Variants in TDRD7 observed in about 807,000 individuals in gnomAD.
TDRD7 encodes tudor domain-containing protein 7.
TDRD7 carries 47 observed loss-of-function variants against 109.8 expected under a neutral mutation model. That is an observed-to-expected ratio of 0.43 (90% CI 0.34 to 0.55). TDRD7 has a LOEUF of 0.55. Ranked by LOEUF, TDRD7 falls within the 20% of genes least tolerant of loss-of-function variation. The pLI is 0.03. For missense variants in TDRD7, 1,164 were observed against 1,319.2 expected (o/e 0.88, Z 1.82); for synonymous variants, 424 against 457.3 (o/e 0.93, Z 0.93).
At chr9:97,491,186 G>T (rs764290207) in intron 16 of TDRD7, among the ~76,000 whole-genome samples, 12 of 152,012 alleles carry the variant, frequency 7.9e-5, no homozygotes, top group Non-Finnish European at 1.6e-4. Flanking sequence ...TCCCACCTTG[G>T]CCTCCAAAGT....
chr9:97,483,451 T>C (rs781440692), intron 15 of TDRD7, 100 bp downstream of exon 15: 64 of 1,374,384 alleles, frequency 4.7e-5, no homozygotes, highest in Non-Finnish European at 5.8e-5. Context: ...ACTGTACTAA[T>C]GGGAATTTTG....
chr9:97,457,276 T>C (rs1027415772), intron 6 of TDRD7, among the ~76,000 whole-genome samples: 2 of 152,058 alleles, frequency 1.3e-5, no homozygotes, highest in Non-Finnish European at 2.9e-5. Context: ...TCCTCAAGGA[T>C]CTAGAATCAG....
chr9:97,476,039 G>T (rs2131168969), intron 12 of TDRD7, among the ~76,000 whole-genome samples: 1 of 152,158 alleles, frequency 6.6e-6, no homozygotes, highest in Non-Finnish European at 1.5e-5. Context: ...CTAATTTTTT[G>T]AACCTTCCTG....
In TDRD7 at chr9:97,464,844, A is replaced by T. The variant is rs886063213; in HGVS notation, c.1445A>T (p.Tyr482Phe). ...LSNTNEVVIRYVGKDYSAAQE... is the reference protein window; with the variant it reads ...LSNTNEVVIRFVGKDYSAAQE... ...TTCTCTTCTTTTAACTGATTCAGGT[A>T]TGTGGGCAAAGACTATTCTGCTGCT... The change falls in exon 8 of 17, where the codon TAT (tyrosine) becomes TTT (phenylalanine). Residue 482 changes from tyrosine to phenylalanine, a missense_variant and splice_region_variant. Physicochemically the swap from Tyr to Phe is conservative, Grantham distance 22 (BLOSUM62 3). This residue lies in a region of TDRD7 where 261 missense variants were observed against 336.2 expected (regional missense o/e 0.78). Coordinates refer to ENST00000355295, the MANE Select transcript of TDRD7 (RefSeq NM_014290.3). 1 of 1,614,048 alleles carries T rather than the reference A, an allele frequency of 6.2e-7. No individual in the cohort carries two copies. Among genetic ancestry groups the T allele is most frequent in the Non-Finnish European group, 8.5e-7 (1 of 1,180,008 alleles).
chr9:97,458,829 T>C (rs569538100), intron 6 of TDRD7, among the ~76,000 whole-genome samples: 4 of 152,336 alleles, frequency 2.6e-5, no homozygotes, highest in South Asian at 4.1e-4. Context: ...GTCAAAACTC[T>C]TCTCTGATAA....
In TDRD7 at chr9:97,482,940, A is replaced by G. The variant is rs1247701879; in HGVS notation, c.2504A>G (p.Gln835Arg). The G allele has an allele frequency of 6.2e-7, 1 of 1,614,086 alleles. No homozygotes were observed. The highest frequency in any genetic ancestry group is 1.3e-5 in the African/African-American group (1 of 74,936). ...GACCCTCATCGCAGTATTAATCGCC[A>G]GATTACAAATGCAGACTTGTGGAAG... is the stretch of plus-strand genomic sequence containing the variant. ...FPDPHRSINR[Q>R]ITNADLWKHQ... The change falls in exon 15 of 17, where the codon CAG becomes CGG. Residue 835 changes from glutamine to arginine, a missense_variant. Physicochemically the swap from Gln to Arg is conservative, Grantham distance 43. This residue lies in a region of TDRD7 where 233 missense variants were observed against 218.0 expected (regional missense o/e 1.07). Coordinates refer to ENST00000355295, the MANE Select transcript of TDRD7 (RefSeq NM_014290.3).
At chr9:97,423,536 G>T (rs1277427019) in intron 1 of TDRD7, among the ~76,000 whole-genome samples, 2 of 151,228 alleles carry the variant, frequency 1.3e-5, no homozygotes, top group African/African-American at 4.9e-5. Context: ...ATTGATTTCT[G>T]CTCTCACCTT....
intron 7 of TDRD7, among the ~76,000 whole-genome samples, chr9:97,463,810 G>C (rs147324484): frequency 6.6e-4 from 100 of 152,242 alleles, no homozygotes; most frequent in African/African-American, 2.3e-3. Flanking sequence ...GAAAAGTGTA[G>C]AAAGGAATAA....
chr9:97,446,398 G>A (rs1460431420), intron 6 of TDRD7, among the ~76,000 whole-genome samples: 1 of 152,108 alleles, frequency 6.6e-6, no homozygotes, highest in Non-Finnish European at 1.5e-5. Flanking sequence ...TGGGCTGGAG[G>A]CACACCAAGC....
intron 16 of TDRD7, 109 bp downstream of exon 16, chr9:97,487,441 G>A: frequency 1.3e-6 from 2 of 1,504,160 alleles, no homozygotes; most frequent in East Asian, 2.3e-5. Context: ...AGGTATGTTG[G>A]GTTTTTGTTT....
At chr9:97,477,044 T>C (rs774319893) in intron 12 of TDRD7, among the ~76,000 whole-genome samples, 4 of 152,230 alleles carry the variant, frequency 2.6e-5, no homozygotes, top group Non-Finnish European at 4.4e-5. Flanking sequence ...GAAAAGGTCA[T>C]GGCATTCTTC....
intron 9 of TDRD7, among the ~76,000 whole-genome samples, chr9:97,471,929 A>G (rs1226886716): frequency 6.6e-6 from 1 of 152,208 alleles, no homozygotes; most frequent in Non-Finnish European, 1.5e-5. Context: ...GTGCATTACA[A>G]ACATATGACT....
intron 16 of TDRD7, among the ~76,000 whole-genome samples, chr9:97,490,055 C>T (rs1485064259): frequency 6.6e-6 from 1 of 152,126 alleles, no homozygotes; most frequent in African/African-American, 2.4e-5. Context: ...CACACGCATA[C>T]AGAATCAAAT....
chr9:97,431,161 A>G, intron 3 of TDRD7, 87 bp downstream of exon 3: 2 of 1,563,050 alleles, frequency 1.3e-6, no homozygotes, highest in Non-Finnish European at 1.8e-6. Flanking sequence ...TTGTATTATG[A>G]TAAATACTTG....
In TDRD7 at chr9:97,463,594, C is replaced by G. The variant is rs1828768159; in HGVS notation, c.1443-1248C>G. 4.6e-5 allele frequency among the ~76,000 whole-genome samples: 7 copies of G among 152,244 alleles called. No homozygotes were observed. In the South Asian group the frequency reaches 1.5e-3, roughly 32 times the overall value. ...TCTCCTGGGCCAAGTGATGCTGGTG[C>G]TGTTAGAGTATAGCCTTCCAGCTAA... On this transcript the variant is annotated intron_variant, in intron 7 of 16. Transcript: ENST00000355295.
At chr9:97,495,546 C>T (rs1183492826) in intron 16 of TDRD7, 117 bp from the exon 17 acceptor site, 1 of 1,004,310 alleles carries the variant, frequency 1.0e-6, no homozygotes, top group East Asian at 2.4e-5. Context: ...TCAGGCAAGT[C>T]TAACCTGGGA....
At chr9:97,437,527 C>G (rs1828225419) in intron 4 of TDRD7, among the ~76,000 whole-genome samples, 1 of 152,162 alleles carries the variant, frequency 6.6e-6, no homozygotes, top group South Asian at 2.1e-4. Flanking sequence ...TTGAAGTCTT[C>G]TATTGATTAG....
chr9:97,430,348 A>G (rs1384328059), intron 2 of TDRD7, among the ~76,000 whole-genome samples: 3 of 152,278 alleles, frequency 2.0e-5, no homozygotes, highest in Admixed American at 6.5e-5. Flanking sequence ...TATGGCTCCC[A>G]TGAACACAGT....
At chr9:97,417,384 G>C (rs1034928951) in intron 1 of TDRD7, among the ~76,000 whole-genome samples, 3 of 152,158 alleles carry the variant, frequency 2.0e-5, no homozygotes, top group Admixed American at 6.5e-5. Flanking sequence ...GATCACTCAG[G>C]CTGATATGTG....
Sources: gnomAD v4.1 joint callset for allele counts (sites outside exome capture counted in the v4.1 genomes callset) on GRCh38, gnomAD v4.1.1 for gene constraint, gnomAD v4.1.1 regional missense constraint, MANE v1.5 for transcripts, NCBI Gene and HGNC (gene_info 2026-07-23, HGNC 2026-07-21) for gene names.